The following PPP6R3 variants were observed in gnomAD, a reference collection of about 807,000 sequenced individuals.
PPP6R3 encodes protein phosphatase 6 regulatory subunit 3.
Under a neutral mutation model 110.7 loss-of-function variants are expected in PPP6R3, and 38 were observed. The observed-to-expected ratio is 0.34, with a 90% CI of 0.26 to 0.45. The LOEUF (loss-of-function observed/expected upper bound fraction) is 0.45, where lower values mean the gene tolerates loss of function less well. PPP6R3 is among the 20% of genes least tolerant of loss of function. PPP6R3 has a pLI of 1.00. For synonymous variants in PPP6R3, 369 were observed against 373.5 expected (o/e 0.99, Z 0.14); for missense variants, 870 against 1,062.4 (o/e 0.82, Z 2.52).
intron 1 of PPP6R3, among the ~76,000 whole-genome samples, chr11:68,471,751 G>C (rs1281060965): frequency 5.3e-5 from 8 of 152,178 alleles, no homozygotes. Flanking sequence ...TGAATGACAT[G>C]ATGAATCAGA....
intron 1 of PPP6R3, among the ~76,000 whole-genome samples, chr11:68,463,365 A>G (rs916833296): frequency 6.6e-6 from 1 of 151,308 alleles, no homozygotes; most frequent in Non-Finnish European, 1.5e-5. Flanking sequence ...GAAAAAAAAA[A>G]AAAAAAAAAA....
At chr11:68,472,191 C>G (rs1318052049) in intron 1 of PPP6R3, among the ~76,000 whole-genome samples, 1 of 151,970 alleles carries the variant, frequency 6.6e-6, no homozygotes, top group East Asian at 1.9e-4. Flanking sequence ...AGAGAGAGGC[C>G]AGGAAGTGAT....
intron 1 of PPP6R3, among the ~76,000 whole-genome samples, chr11:68,518,166 C>T (rs1276753023): frequency 1.3e-5 from 2 of 152,164 alleles, no homozygotes; most frequent in Non-Finnish European, 2.9e-5. Flanking sequence ...AACATAGTCT[C>T]TTAAGTATTG....
chr11:68,590,109 A>G lies in PPP6R3; in HGVS notation c.1731-551A>G, dbSNP rs572860333. Among the ~76,000 whole-genome samples, 7 of 152,340 alleles carry G rather than the reference A, an allele frequency of 4.6e-5. No homozygotes were observed. The South Asian group carries it at 8.3e-4, about 18-fold the overall frequency. On this transcript the variant is annotated intron_variant, in intron 16 of 23. Coordinates refer to ENST00000393800, the MANE Select transcript of PPP6R3 (RefSeq NM_001164161.2). ...CTTGGACTAGTGATTGAGTGGAACA[A>G]ATATTTTAAGAATCATAAGATAGCC... is the stretch of plus-strand genomic sequence containing the variant.
intron 2 of PPP6R3, among the ~76,000 whole-genome samples, chr11:68,527,749 C>T (rs2099207759): frequency 6.6e-6 from 1 of 152,266 alleles, no homozygotes; most frequent in Admixed American, 6.5e-5. Context: ...CGTGCATTCA[C>T]ACACAGCCCT....
At chr11:68,602,430 A>G (rs983946938) in intron 21 of PPP6R3, among the ~76,000 whole-genome samples, 1 of 152,132 alleles carries the variant, frequency 6.6e-6, no homozygotes, top group Non-Finnish European at 1.5e-5. Flanking sequence ...GGGTTTTCCT[A>G]TTACTCTACC....
chr11:68,529,898 C>T (rs1007456534), intron 2 of PPP6R3, among the ~76,000 whole-genome samples: 6 of 152,082 alleles, frequency 3.9e-5, no homozygotes, highest in Admixed American at 2.0e-4. Flanking sequence ...CATTTCAGTG[C>T]GGAGAGAGAC....
At chr11:68,512,863 A>C (rs770153890) in intron 1 of PPP6R3, among the ~76,000 whole-genome samples, 1 of 152,160 alleles carries the variant, frequency 6.6e-6, no homozygotes, top group African/African-American at 2.4e-5. Flanking sequence ...GTGCTTGTCC[A>C]TTCCTGTTAT....
At chr11:68,498,973 C>G (rs1167962868) in intron 1 of PPP6R3, among the ~76,000 whole-genome samples, 1 of 152,106 alleles carries the variant, frequency 6.6e-6, no homozygotes, top group African/African-American at 2.4e-5. Flanking sequence ...GTATTTCATC[C>G]TTTTCATTTT....
intron 1 of PPP6R3, among the ~76,000 whole-genome samples, chr11:68,480,049 TAA>T (rs531256425): frequency 6.7e-6 from 1 of 148,980 alleles, no homozygotes; most frequent in Non-Finnish European, 1.5e-5. Flanking sequence ...TTTCTTCAAT[TAA>T]AAAAAAAAAT....
At chr11:68,524,983 G>A (rs2099188721) in intron 2 of PPP6R3, among the ~76,000 whole-genome samples, 1 of 152,194 alleles carries the variant, frequency 6.6e-6, no homozygotes, top group African/African-American at 2.4e-5. Context: ...CTGACCTGCC[G>A]TTGCTGCCTT....
At chr11:68,534,811 G>A (rs1565665056) in intron 2 of PPP6R3, among the ~76,000 whole-genome samples, 1 of 152,216 alleles carries the variant, frequency 6.6e-6, no homozygotes, top group Non-Finnish European at 1.5e-5. Context: ...TGCATGAGCT[G>A]TATTATTCCA....
At chr11:68,572,749 A>C (rs1190753044) in intron 12 of PPP6R3, among the ~76,000 whole-genome samples, 3 of 151,898 alleles carry the variant, frequency 2.0e-5, no homozygotes, top group African/African-American at 7.3e-5. Flanking sequence ...GGCCGAAGTG[A>C]GAGAATTGCC....
intron 1 of PPP6R3, among the ~76,000 whole-genome samples, chr11:68,511,503 T>TG (rs2099109826): frequency 7.6e-6 from 1 of 132,342 alleles, no homozygotes; most frequent in African/African-American, 2.9e-5. Flanking sequence ...TGTTTTGAGT[T>TG]GGAGTCTCAC....
At chr11:68,539,692 G>T (rs1402421975) in intron 3 of PPP6R3, among the ~76,000 whole-genome samples, 1 of 152,212 alleles carries the variant, frequency 6.6e-6, no homozygotes, top group Non-Finnish European at 1.5e-5. Context: ...AGGAAGTTTA[G>T]ACTGGGATTG....
chr11:68,558,790 T>C lies in PPP6R3; in HGVS notation c.845+111T>C, dbSNP rs143207579. The C allele has an allele frequency of 1.0e-4, 78 of 763,574 alleles. No homozygotes were observed. The African/African-American group carries it at 1.3e-3, about 13-fold the overall frequency. The allele number at this position is 763,574 out of a possible 1,614,324, so 47.3% of individuals were successfully genotyped here. ...TAGCGTACCTTTGAATTGCAGTTGCTGATTCTTCTTCTGCTATATAAACCA... is the reference window on the plus strand; with the variant it reads ...TAGCGTACCTTTGAATTGCAGTTGCCGATTCTTCTTCTGCTATATAAACCA... On this transcript the variant is annotated intron_variant, in intron 8 of 23. Transcript: ENST00000393800.
chr11:68,580,433 G>T (rs1255415364), intron 14 of PPP6R3, among the ~76,000 whole-genome samples: 9 of 152,180 alleles, frequency 5.9e-5, no homozygotes, highest in African/African-American at 2.2e-4. Context: ...GGAACTGCCA[G>T]CTGTGACATT....
rs747554022 is a variant in PPP6R3, at chr11:68,537,827, G to A, written c.163G>A (p.Glu55Lys). The A allele has an allele frequency of 5.6e-6, 9 of 1,613,914 alleles. No homozygotes were observed. The highest frequency in any genetic ancestry group is 7.6e-6 in the Non-Finnish European group (9 of 1,179,948). ...GTTTCTGTTAAAAGCAGAATGTCTC[G>A]AAGATTTAGTCTCATTCATTATAGA... ...IEFLLKAECL[E>K]DLVSFIIEEP... Residue 55 changes from glutamate to lysine, a missense_variant, in exon 3 of 24, where the codon GAA becomes AAA. Glu to Lys is a moderately conservative substitution (Grantham distance 56). Transcript: ENST00000393800.
rs375266423 is a variant in PPP6R3, at chr11:68,609,887, C to T, written c.2451-17C>T. On this transcript the variant is annotated splice_polypyrimidine_tract_variant and intron_variant, in intron 22 of 23. Transcript: ENST00000393800. Reference sequence around the variant, plus strand: ...TCCCTAGGGTGTTTGATGTGCCTGTCATCCTCTTTACTGCAGTGAGGAAGG... The same window carrying T: ...TCCCTAGGGTGTTTGATGTGCCTGTTATCCTCTTTACTGCAGTGAGGAAGG... The T allele has an allele frequency of 3.5e-5, 57 of 1,613,534 alleles. No homozygotes were observed. Among genetic ancestry groups the T allele is most frequent in the Non-Finnish European group, 4.5e-5 (53 of 1,179,734 alleles).
Sources: allele counts gnomAD v4.1 joint callset (sites outside exome capture counted in the v4.1 genomes callset), GRCh38; gene constraint gnomAD v4.1.1; transcripts MANE v1.5; gene names NCBI Gene and HGNC (gene_info 2026-07-23, HGNC 2026-07-21).